The following ZNF765 variants were observed in gnomAD, a reference collection of about 807,000 sequenced individuals.
ZNF765 encodes the protein zinc finger protein 765.
Under a neutral mutation model 44.7 loss-of-function variants are expected in ZNF765, and 37 were observed. The ratio of observed to expected loss-of-function variants is 0.83; its 90% CI spans 0.64 to 1.09. The LOEUF (loss-of-function observed/expected upper bound fraction) is 1.09. ZNF765 is among the 50% of genes least tolerant of loss of function. The pLI is 0.00. For synonymous variants in ZNF765, 201 were observed against 213.7 expected (o/e 0.94, Z 0.52); for missense variants, 594 against 626.1 (o/e 0.95, Z 0.55).
exon 4 of ZNF765, chr19:53,424,713 G>A (rs1264728927): frequency 6.7e-6 from 1 of 148,978 alleles, no homozygotes; most frequent in Non-Finnish European, 1.5e-5. Flanking sequence ...GCCTAGGCTG[G>A]AGTGCAATGG....
intron 3 of ZNF765, among the ~76,000 whole-genome samples, chr19:53,420,933 G>A (rs1399888002): frequency 2.0e-5 from 3 of 152,052 alleles, no homozygotes; most frequent in South Asian, 2.1e-4. Context: ...CCCCTACCCC[G>A]ACACCCATAA....
intron 3 of ZNF765, among the ~76,000 whole-genome samples, chr19:53,404,688 C>T (rs2085758698): frequency 1.3e-5 from 2 of 151,960 alleles, no homozygotes; most frequent in Admixed American, 1.3e-4. Flanking sequence ...TCTTCATCTC[C>T]TGACCTCGTG....
downstream of ZNF765, chr19:53,413,250 C>G: frequency 3.4e-6 from 2 of 595,304 alleles, no homozygotes; most frequent in Middle Eastern, 5.1e-4. Flanking sequence ...AAAGCAAAAC[C>G]GTTCCATTCC....
chr19:53,399,694 A>G (rs1020993435), intron 2 of ZNF765, among the ~76,000 whole-genome samples: 1 of 151,162 alleles, frequency 6.6e-6, no homozygotes, highest in African/African-American at 2.4e-5. Flanking sequence ...AAAAAAAAAA[A>G]TTTTTACGTT....
intron 3 of ZNF765, among the ~76,000 whole-genome samples, chr19:53,406,083 CA>C (rs1488462637): frequency 2.1e-5 from 3 of 145,950 alleles, no homozygotes; most frequent in African/African-American, 5.1e-5. Flanking sequence ...AGCTGGAGTG[CA>C]CAGGTGCAAT....
chr19:53,412,610 A>G (rs1312912214), downstream of ZNF765, among the ~76,000 whole-genome samples: 1 of 152,218 alleles, frequency 6.6e-6, no homozygotes, highest in Non-Finnish European at 1.5e-5. Context: ...AAAGTAAAAT[A>G]AATTCTGCTA....
At chr19:53,401,239 T>C (rs186762729) in intron 2 of ZNF765, among the ~76,000 whole-genome samples, 1 of 152,254 alleles carries the variant, frequency 6.6e-6, no homozygotes, top group African/African-American at 2.4e-5. Flanking sequence ...CTCTGCCTCA[T>C]CTAGATACTG....
At chr19:53,417,592 G>A (rs117263091) in intron 3 of ZNF765, among the ~76,000 whole-genome samples, 6 of 152,144 alleles carry the variant, frequency 3.9e-5, no homozygotes, top group African/African-American at 9.7e-5. Flanking sequence ...GAACATACAC[G>A]TGCATGCGTC....
chr19:53,402,049 T>C lies in ZNF765; in HGVS notation c.16-16T>C, dbSNP rs751487883. 3.1e-6 allele frequency: 5 copies of C among 1,613,826 alleles called. No individual in the cohort carries two copies. In the Admixed American group the frequency reaches 6.7e-5, roughly 22 times the overall value. The stretch of plus-strand genomic sequence containing the variant: ...TCCTCCCATAACCATTTGGTTAAAA[T>C]GTGTTTTCATTTCAGGGTCTATTGA... On this transcript the variant is annotated splice_polypyrimidine_tract_variant and intron_variant, in intron 2 of 3. Transcript: ENST00000396408.
Position 53,411,480 on chromosome 19 carries a change from T to TG in ZNF765, c.*2357dup, listed in dbSNP as rs1216323252. ...GCTAATTTTGTATTTTTAGTAGAGA[T>TG]GGGGTTTCTCCATGTTGGTTAGGCT... On this transcript the variant is annotated 3_prime_UTR_variant, in exon 4 of 4. Transcript: ENST00000396408. The TG allele has an allele frequency of 6.6e-6, 1 of 152,136 alleles. No homozygotes were observed. Among genetic ancestry groups the TG allele is most frequent in the African/African-American group, 2.4e-5 (1 of 41,318 alleles). 9.4% of individuals were successfully genotyped at this position (152,136 alleles called of 1,614,324 possible).
In ZNF765 at chr19:53,418,131, G is replaced by T. The variant is rs570507001; in HGVS notation, c.143-4931G>T. Among the ~76,000 whole-genome samples, 8 of 152,312 alleles carry T rather than the reference G, an allele frequency of 5.3e-5. No homozygotes were observed. The South Asian group carries it at 1.7e-3, about 32-fold the overall frequency. On this transcript the variant is annotated intron_variant, in intron 3 of 3. Transcript: ENST00000594030. ...ATATAATAGCGTCCTGGCTGGGCAC[G>T]GTGGCTCACGCCTGTAATCCCAGCA...
At chr19:53,422,873 T>C (rs2085915435) in intron 3 of ZNF765, among the ~76,000 whole-genome samples, 1 of 152,192 alleles carries the variant, frequency 6.6e-6, no homozygotes. Context: ...ATTTCTATCT[T>C]ATTTACCATT....
exon 4 of ZNF765, chr19:53,427,068 C>T (rs1025294988): frequency 7.5e-6 from 1 of 133,794 alleles, no homozygotes; most frequent in Admixed American, 7.2e-5. Flanking sequence ...GCTGAGAAGT[C>T]TGTCTGTCTG....
chr19:53,395,488 C>A (rs976407600), intron 1 of ZNF765, among the ~76,000 whole-genome samples: 14 of 152,272 alleles, frequency 9.2e-5, no homozygotes, highest in African/African-American at 3.4e-4. Context: ...TTTTTAAAGT[C>A]CTCACCCGAG....
intron 2 of ZNF765, among the ~76,000 whole-genome samples, chr19:53,401,557 C>G (rs1031820780): frequency 8.0e-5 from 11 of 138,214 alleles, no homozygotes; most frequent in African/African-American, 3.0e-4. Flanking sequence ...AGCGAGACTC[C>G]GTCTCAAAAA....
intron 3 of ZNF765, among the ~76,000 whole-genome samples, chr19:53,405,902 A>ACT (rs2085768224): frequency 8.1e-5 from 3 of 37,034 alleles, no homozygotes; most frequent in Admixed American, 3.6e-4. Context: ...ATTAATACCA[A>ACT]CTATATATAT....
chr19:53,401,937 C>A, intron 2 of ZNF765, 128 bp from the exon 3 acceptor site: 2 of 1,601,924 alleles, frequency 1.2e-6, no homozygotes, highest in Non-Finnish European at 8.5e-7. Context: ...GTGAAAAATC[C>A]CTTACTCAGA....
In ZNF765 at chr19:53,407,767, C is replaced by T. The variant is rs765408823; in HGVS notation, c.212C>T (p.Ala71Val). 6.2e-7 allele frequency: 1 copy of T among 1,607,508 alleles called. No individual in the cohort carries two copies. Among genetic ancestry groups the T allele is most frequent in the African/African-American group, 1.3e-5 (1 of 74,654 alleles). The change falls in exon 4 of 4, where the codon GCA (alanine) becomes GTA (valine). Residue 71 changes from alanine (A) to valine (V), a missense_variant. Transcript: ENST00000396408. ...CAAGGCAATAGAGAAGTGTTCCATG[C>T]AGGGACATCTCAAAGACATGAAAGT... ...TAQGNREVFH[A>V]GTSQRHESHH... is the part of the protein sequence containing the mutation.
chr19:53,396,248 G>A (rs1002008338), intron 1 of ZNF765, among the ~76,000 whole-genome samples: 9 of 149,400 alleles, frequency 6.0e-5, no homozygotes, highest in South Asian at 4.2e-4. Context: ...GAGTGGGGAT[G>A]AGGGTATAAC....
Sources: gnomAD v4.1 joint callset for allele counts (sites outside exome capture counted in the v4.1 genomes callset) on GRCh38, gnomAD v4.1.1 for gene constraint, MANE v1.5 for transcripts, NCBI Gene and HGNC (gene_info 2026-07-23, HGNC 2026-07-21) for gene names.